Variants in AGPAT4 observed in about 807,000 individuals in gnomAD.
AGPAT4 encodes 1-acyl-sn-glycerol-3-phosphate acyltransferase delta.
In AGPAT4, 15 loss-of-function variants were observed where a neutral mutation model predicts 48.0. That is an observed-to-expected ratio of 0.31 (90% CI 0.21 to 0.48). AGPAT4 has a LOEUF of 0.48. AGPAT4 is among the 20% of genes least tolerant of loss of function. The pLI is 0.99. For missense variants in AGPAT4, 314 were observed against 482.5 expected (o/e 0.65, Z 3.27); for synonymous variants, 178 against 198.7 (o/e 0.90, Z 0.88).
chr6:161,170,126 G>A (rs1176408155), intron 2 of AGPAT4, among the ~76,000 whole-genome samples: 1 of 152,094 alleles, frequency 6.6e-6, no homozygotes, highest in Non-Finnish European at 1.5e-5. Flanking sequence ...TGAGGCTCCC[G>A]CTTGTGCTTG....
chr6:161,177,151 T>C lies in AGPAT4; in HGVS notation c.179-10734A>G, dbSNP rs1281276279. Reference sequence around the variant, plus strand: ...TTGCTCTTCTCGAGGAGTATCTTTGTGGCGTTCTCTGTATTTCCTGAATTT... The same window carrying C: ...TTGCTCTTCTCGAGGAGTATCTTTGCGGCGTTCTCTGTATTTCCTGAATTT... On this transcript the variant is annotated intron_variant, in intron 2 of 8. Coordinates refer to ENST00000320285, the MANE Select transcript of AGPAT4 (RefSeq NM_020133.3). The surrounding 1 kb of genome is among the most constrained non-coding windows in gnomAD (Gnocchi z 5.0). 6.6e-6 allele frequency among the ~76,000 whole-genome samples: 1 copy of C among 152,198 alleles called. No homozygotes were observed. Among genetic ancestry groups the C allele is most frequent in the Non-Finnish European group, 1.5e-5 (1 of 68,016 alleles).
Position 161,137,123 on chromosome 6 carries a change from G to A in AGPAT4, c.1043-489C>T, listed in dbSNP as rs1218504467. ...GCGTTAGAGCAGTGAGAAAATCCCCGCCCTCTCCTCTGACGGCAGGATTTG... is the reference window on the plus strand; with the variant it reads ...GCGTTAGAGCAGTGAGAAAATCCCCACCCTCTCCTCTGACGGCAGGATTTG... On this transcript the variant is annotated intron_variant, in intron 8 of 8. Coordinates refer to ENST00000320285, the MANE Select transcript of AGPAT4 (RefSeq NM_020133.3). The surrounding 1 kb of genome is among the most constrained non-coding windows in gnomAD (Gnocchi z 6.1). 6.6e-6 allele frequency among the ~76,000 whole-genome samples: 1 copy of A among 152,156 alleles called. No homozygotes were observed. Among genetic ancestry groups the A allele is most frequent in the African/African-American group, 2.4e-5 (1 of 41,442 alleles).
At chr6:161,199,573 C>T (rs954001912) in intron 2 of AGPAT4, among the ~76,000 whole-genome samples, 2 of 152,182 alleles carry the variant, frequency 1.3e-5, no homozygotes, top group South Asian at 4.1e-4. Context: ...GGTTTGGCTC[C>T]GTGTCCCCAT....
At chr6:161,185,768 C>G (rs1012487143) in intron 2 of AGPAT4, among the ~76,000 whole-genome samples, 4 of 152,126 alleles carry the variant, frequency 2.6e-5, no homozygotes, top group African/African-American at 9.7e-5. Flanking sequence ...GCTTGGGCAC[C>G]GCTGCCTCTT....
intron 2 of AGPAT4, among the ~76,000 whole-genome samples, chr6:161,190,256 T>C (rs1470249575): frequency 1.3e-5 from 2 of 152,156 alleles, no homozygotes; most frequent in Non-Finnish European, 2.9e-5. Flanking sequence ...CATTGGTTCA[T>C]CAATTGTAAC....
In AGPAT4 at chr6:161,232,850, G is replaced by C. The variant is rs1782160053; in HGVS notation, c.-89-548C>G. Among the ~76,000 whole-genome samples the C allele has an allele frequency of 6.6e-6, 1 of 152,172 alleles. No homozygotes were observed. Among genetic ancestry groups the C allele is most frequent in the African/African-American group, 2.4e-5 (1 of 41,446 alleles). On this transcript the variant is annotated intron_variant, in intron 1 of 8. Coordinates refer to ENST00000320285, the MANE Select transcript of AGPAT4 (RefSeq NM_020133.3). The surrounding 1 kb of genome is among the most constrained non-coding windows in gnomAD (Gnocchi z 6.8). ...GGACAAGGACGAGGACATACCCAGA[G>C]TGGGTGCCACCCCTCAAGCAACCGG...
In AGPAT4 at chr6:161,217,273, G is replaced by A. The variant is rs560006006; in HGVS notation, c.178+14763C>T. 6.6e-6 allele frequency among the ~76,000 whole-genome samples: 1 copy of A among 152,202 alleles called. No homozygotes were observed. The highest frequency in any genetic ancestry group is 2.4e-5 in the African/African-American group (1 of 41,450). ...AAACCTAGCCTTGGGTCAGAACTGG[G>A]CTCCCATCAATGCCTGGTACATGGT... On this transcript the variant is annotated intron_variant, in intron 2 of 8. Coordinates refer to ENST00000320285, the MANE Select transcript of AGPAT4 (RefSeq NM_020133.3). The surrounding 1 kb of genome is among the most constrained non-coding windows in gnomAD (Gnocchi z 4.9).
intron 2 of AGPAT4, among the ~76,000 whole-genome samples, chr6:161,228,487 T>C (rs1782038892): frequency 6.6e-6 from 1 of 151,114 alleles, no homozygotes; most frequent in African/African-American, 2.4e-5. Context: ...GCTGGGGGTG[T>C]GGGGTGGTGG....
intron 2 of AGPAT4, among the ~76,000 whole-genome samples, chr6:161,227,997 A>G (rs1411094750): frequency 6.6e-6 from 1 of 152,172 alleles, no homozygotes; most frequent in Non-Finnish European, 1.5e-5. Context: ...AATGTAGCTG[A>G]GTGTGTTGAA....
rs1160986831 is a variant in AGPAT4, at chr6:161,221,010, C to G, written c.178+11026G>C. Among the ~76,000 whole-genome samples, 1 of 152,072 alleles carries G rather than the reference C, an allele frequency of 6.6e-6. No individual in the cohort carries two copies. Among genetic ancestry groups the G allele is most frequent in the African/African-American group, 2.4e-5 (1 of 41,402 alleles). On this transcript the variant is annotated intron_variant, in intron 2 of 8. Transcript: ENST00000320285. This position sits in a 1 kb window ranked among gnomAD's most constrained non-coding sequence, Gnocchi z 4.5. ...TGTTGGTCAGGCTGGTCTTGAACTC[C>G]TGACCTCAGGTGATCTACCCGCCTC...
At chr6:161,252,463 T>A (rs920981715) in intron 1 of AGPAT4, among the ~76,000 whole-genome samples, 5 of 152,124 alleles carry the variant, frequency 3.3e-5, no homozygotes, top group Admixed American at 3.3e-4. Context: ...TATAAATGAA[T>A]AAATAGAAAA....
intron 1 of AGPAT4, among the ~76,000 whole-genome samples, chr6:161,247,291 TGAAA>T (rs763602592): frequency 3.3e-5 from 5 of 152,228 alleles, no homozygotes; most frequent in African/African-American, 7.2e-5. Flanking sequence ...AGGAATTTCT[TGAAA>T]GGTAAAGTCA....
Position 161,272,623 on chromosome 6 carries a change from A to G in AGPAT4, c.-90+1315T>C, listed in dbSNP as rs1783459738. Reference sequence around the variant, plus strand: ...TCTGAATAACAGTTTTTCTCCCCATAGAGAATATTCAGAAGATGGAATCCT... The same window carrying G: ...TCTGAATAACAGTTTTTCTCCCCATGGAGAATATTCAGAAGATGGAATCCT... On this transcript the variant is annotated intron_variant, in intron 1 of 8. Coordinates refer to ENST00000320285, the MANE Select transcript of AGPAT4 (RefSeq NM_020133.3). The surrounding 1 kb of genome is among the most constrained non-coding windows in gnomAD (Gnocchi z 4.2). 6.6e-6 allele frequency among the ~76,000 whole-genome samples: 1 copy of G among 152,054 alleles called. No homozygotes were observed. Among genetic ancestry groups the G allele is most frequent in the Non-Finnish European group, 1.5e-5 (1 of 68,030 alleles).
At chr6:161,248,674 A>G (rs1325643206) in intron 1 of AGPAT4, among the ~76,000 whole-genome samples, 1 of 152,128 alleles carries the variant, frequency 6.6e-6, no homozygotes, top group Non-Finnish European at 1.5e-5. Context: ...ATCAGAGATG[A>G]CACAACGAAT....
Position 161,138,609 on chromosome 6 carries a change from T to C in AGPAT4, c.1042+813A>G, listed in dbSNP as rs543451616. On this transcript the variant is annotated intron_variant, in intron 8 of 8. Coordinates refer to ENST00000320285, the MANE Select transcript of AGPAT4 (RefSeq NM_020133.3). The surrounding 1 kb of genome is among the most constrained non-coding windows in gnomAD (Gnocchi z 4.8). ...TGTCTATTGCTTGGGCCTTTTATAG[T>C]GAGCATACTGCATCTTTGTGTTTGA... Among the ~76,000 whole-genome samples the C allele has an allele frequency of 1.8e-4, 28 of 152,298 alleles. No individual in the cohort carries two copies. Among genetic ancestry groups the C allele is most frequent in the African/African-American group, 6.0e-4 (25 of 41,560 alleles).
rs1780504934 is a variant in AGPAT4, at chr6:161,178,880, C to T, written c.179-12463G>A. 6.6e-6 allele frequency among the ~76,000 whole-genome samples: 1 copy of T among 152,224 alleles called. No individual in the cohort carries two copies. Among genetic ancestry groups the T allele is most frequent in the Non-Finnish European group, 1.5e-5 (1 of 68,050 alleles). Reference sequence around the variant, plus strand: ...CATCTCTCTACAAAGCAGTCACATTCGGATTCTGCTCTTGCAGCCACATCT... The same window carrying T: ...CATCTCTCTACAAAGCAGTCACATTTGGATTCTGCTCTTGCAGCCACATCT... On this transcript the variant is annotated intron_variant, in intron 2 of 8. Coordinates refer to ENST00000320285, the MANE Select transcript of AGPAT4 (RefSeq NM_020133.3). This position sits in a 1 kb window ranked among gnomAD's most constrained non-coding sequence, Gnocchi z 5.1.
chr6:161,219,604 C>T lies in AGPAT4; in HGVS notation c.178+12432G>A, dbSNP rs181285555. Among the ~76,000 whole-genome samples, 464 of 152,218 alleles carry T rather than the reference C, an allele frequency of 3.0e-3. 3 individuals carry two copies. The highest frequency in any genetic ancestry group is 0.011 in the African/African-American group (439 of 41,528). ...TTTAATGCTTCCAAAAACAAATGGG[C>T]ACTTTGCGAATTAATTTATTTATAA... On this transcript the variant is annotated intron_variant, in intron 2 of 8. Transcript: ENST00000320285. This position sits in a 1 kb window ranked among gnomAD's most constrained non-coding sequence, Gnocchi z 4.9.
At chr6:161,247,983 A>C (rs1373331696) in intron 1 of AGPAT4, among the ~76,000 whole-genome samples, 22 of 95,064 alleles carry the variant, frequency 2.3e-4, no homozygotes, top group Admixed American at 2.2e-3. Flanking sequence ...CTCTGTCTCA[A>C]AAAAAAAAAA....
chr6:161,263,110 G>A lies in AGPAT4; in HGVS notation c.-90+10828C>T, dbSNP rs1308434478. Among the ~76,000 whole-genome samples the A allele has an allele frequency of 8.2e-4, 24 of 29,366 alleles. 2 individuals carry two copies. The Admixed American group carries it at 8.2e-3, about 10-fold the overall frequency. The allele number at this position is 29,366 out of a possible 152,430, so 19.3% of individuals were successfully genotyped here. A position where few individuals can be genotyped will look rare whatever the true frequency, so the allele number is the denominator to read the frequency against. ...GCAGACATATTCTCGGCGGCGGTGG[G>A]CGGGGTGTTTCTCACACCTGCCTGC... On this transcript the variant is annotated intron_variant, in intron 1 of 8. Coordinates refer to ENST00000320285, the MANE Select transcript of AGPAT4 (RefSeq NM_020133.3).
Sources: allele counts gnomAD v4.1 joint callset (sites outside exome capture counted in the v4.1 genomes callset), GRCh38; gene constraint gnomAD v4.1.1; non-coding constraint Gnocchi (gnomAD v3.1); transcripts MANE v1.5; gene names NCBI Gene and HGNC (gene_info 2026-07-23, HGNC 2026-07-21).